Variants in MAGI3 observed in about 807,000 individuals in gnomAD.
MAGI3 encodes membrane associated guanylate kinase, WW and PDZ domain containing 3, also known as membrane-associated guanylate kinase, WW and PDZ domain-containing protein 3.
Under a neutral mutation model 121.8 loss-of-function variants are expected in MAGI3, and 43 were observed. The observed-to-expected ratio is 0.35, with a 90% confidence interval of 0.28 to 0.46. MAGI3 has a LOEUF of 0.46. Among genes scored for constraint, MAGI3 ranks in the 20% least tolerant of loss-of-function variants. MAGI3 has a pLI of 1.00. For synonymous variants in MAGI3, 553 were observed against 639.3 expected, an observed-to-expected ratio of 0.86 and a Z score of 2.04; for missense variants, 1,547 against 1,797.3, an observed-to-expected ratio of 0.86 and a Z score of 2.52.
intron 9 of MAGI3, among the ~76,000 whole-genome samples, chr1:113,636,012 G>A (rs368398231): frequency 4.6e-5 from 7 of 152,140 alleles, no homozygotes; most frequent in Non-Finnish European, 7.4e-5. Flanking sequence ...GTTTATTTGC[G>A]TAGAGGTGTT....
intron 1 of MAGI3, among the ~76,000 whole-genome samples, chr1:113,527,028 G>A (rs1658486315): frequency 6.6e-6 from 1 of 152,122 alleles, no homozygotes. Flanking sequence ...ATTATTGTGA[G>A]AACTAAAAGA....
intron 1 of MAGI3, among the ~76,000 whole-genome samples, chr1:113,504,529 G>T (rs1657213017): frequency 6.6e-6 from 1 of 152,078 alleles, no homozygotes; most frequent in African/African-American, 2.4e-5. Context: ...CATGCATAAG[G>T]TTGTCAAAGA....
chr1:113,591,586 G>A (rs1648694155), intron 5 of MAGI3, among the ~76,000 whole-genome samples: 1 of 152,142 alleles, frequency 6.6e-6, no homozygotes, highest in African/African-American at 2.4e-5. Context: ...ATCTTTGGAT[G>A]TGTAGCGTTC....
intron 1 of MAGI3, among the ~76,000 whole-genome samples, chr1:113,403,448 AT>A (rs1651510280): frequency 6.6e-6 from 1 of 152,132 alleles, no homozygotes; most frequent in Non-Finnish European, 1.5e-5. Flanking sequence ...TTAGAAAATG[AT>A]TAATTATGTT....
chr1:113,464,577 A>G (rs1185257552), intron 1 of MAGI3, among the ~76,000 whole-genome samples: 1 of 152,006 alleles, frequency 6.6e-6, no homozygotes, highest in East Asian at 1.9e-4. Context: ...CTTCTATACT[A>G]TTCTGTGTAG....
chr1:113,518,065 GC>G (rs1457695269), intron 1 of MAGI3, among the ~76,000 whole-genome samples: 1 of 151,928 alleles, frequency 6.6e-6, no homozygotes, highest in Non-Finnish European at 1.5e-5. Flanking sequence ...CCTGTTTTGA[GC>G]CCCTGAATCT....
At chr1:113,565,938 G>A (rs971086247) in intron 2 of MAGI3, among the ~76,000 whole-genome samples, 1 of 152,096 alleles carries the variant, frequency 6.6e-6, no homozygotes, top group African/African-American at 2.4e-5. Context: ...GCTTTCATTT[G>A]ATATCAGCTG....
In MAGI3 at chr1:113,590,674, T is replaced by C; in HGVS notation, c.938+16T>C. The C allele has an allele frequency of 6.2e-7, 1 of 1,609,600 alleles. No individual in the cohort carries two copies. Among genetic ancestry groups the C allele is most frequent in the South Asian group, 1.1e-5 (1 of 90,540 alleles). On this transcript the variant is annotated intron_variant, in intron 5 of 20. Transcript: ENST00000307546. ...ACTTCATTGAGTAAGCAAATGTCTC[T>C]ATCTCTTCTAATGTGCCCTAACATG...
chr1:113,477,257 G>T (rs1655877327), intron 1 of MAGI3, among the ~76,000 whole-genome samples: 1 of 152,196 alleles, frequency 6.6e-6, no homozygotes, highest in African/African-American at 2.4e-5. Flanking sequence ...GTGTGAATTT[G>T]ATCCTGTCAT....
intron 1 of MAGI3, among the ~76,000 whole-genome samples, chr1:113,437,806 T>TCTC (rs1557756798): frequency 1.7e-5 from 2 of 119,580 alleles, no homozygotes; most frequent in Non-Finnish European, 3.5e-5. Context: ...TCTTTCTTCT[T>TCTC]TTCTTCTTCT....
At chr1:113,676,012 C>T (rs1571037072) in intron 19 of MAGI3, among the ~76,000 whole-genome samples, 1 of 151,190 alleles carries the variant, frequency 6.6e-6, no homozygotes, top group South Asian at 2.1e-4. Context: ...GGTCCTTTCC[C>T]CTCCCCTCCC....
chr1:113,659,224 A>T lies in MAGI3; in HGVS notation c.2774A>T (p.Asp925Val). ...GATAACATTGTTCAGCTGATCAAAGATGCTGGTGTCACCGTCACACTAACG... is the reference window on the plus strand; with the variant it reads ...GATAACATTGTTCAGCTGATCAAAGTTGCTGGTGTCACCGTCACACTAACG... Reference protein sequence around the residue: ...SHDNIVQLIKDAGVTVTLTVI... With the variant: ...SHDNIVQLIKVAGVTVTLTVI... Residue 925 changes from aspartate (D) to valine (V), a missense_variant, in exon 16 of 21, where the codon GAT (aspartate) becomes GTT (valine). Coordinates refer to ENST00000307546, the MANE Select transcript of MAGI3 (RefSeq NM_001142782.2). The T allele has an allele frequency of 6.2e-7, 1 of 1,614,028 alleles. No individual in the cohort carries two copies. Among genetic ancestry groups the T allele is most frequent in the East Asian group, 2.2e-5 (1 of 44,884 alleles).
At chr1:113,586,328 A>G (rs1648363296) in intron 4 of MAGI3, among the ~76,000 whole-genome samples, 1 of 152,172 alleles carries the variant, frequency 6.6e-6, no homozygotes, top group Admixed American at 6.5e-5. Flanking sequence ...TATCCCTTCC[A>G]TCAAAAACAT....
intron 12 of MAGI3, 25 bp from the exon 13 acceptor site, chr1:113,649,212 A>G: frequency 1.3e-6 from 2 of 1,552,900 alleles, no homozygotes; most frequent in Non-Finnish European, 1.8e-6. Context: ...AAATCATAGT[A>G]TTTATATTTT....
chr1:113,557,143 G>A lies in MAGI3; in HGVS notation c.433+7512G>A, dbSNP rs575107933. On this transcript the variant is annotated intron_variant, in intron 2 of 20. Transcript: ENST00000307546. Reference sequence around the variant, plus strand: ...GTCCAAAAGTTTCAGACAAGGGAGCGTCCCCCCAGCAGCACAACATAGTGG... The same window carrying A: ...GTCCAAAAGTTTCAGACAAGGGAGCATCCCCCCAGCAGCACAACATAGTGG... Among the ~76,000 whole-genome samples, 36 of 151,244 alleles carry A rather than the reference G, an allele frequency of 2.4e-4. No homozygotes were observed. In the East Asian group the frequency reaches 2.9e-3, roughly 12 times the overall value.
In MAGI3 at chr1:113,683,296, T is replaced by TA. The variant is rs1194613351; in HGVS notation, c.3734dup (p.Asn1245LysfsTer2). ...CATTTGGATAAGATTCCTAGTCCTC[T>TA]AAAAAATAACCCCAAAAGAAGACCC... On this transcript the variant is annotated frameshift_variant, in exon 21 of 21. Transcript: ENST00000307546. LOFTEE classifies it low-confidence loss of function (END_TRUNC). 1 of 1,612,176 alleles carries TA rather than the reference T, an allele frequency of 6.2e-7. No homozygotes were observed.
At chr1:113,673,533 A>G (rs1647689952) in intron 19 of MAGI3, 68 bp downstream of exon 19, 1 of 1,514,796 alleles carries the variant, frequency 6.6e-7, no homozygotes, top group South Asian at 1.2e-5. Flanking sequence ...GATATTAATA[A>G]TTGATTTAAA....
rs1386378320 is a variant in MAGI3, at chr1:113,685,587, A to AAATT, written c.*1575_*1578dup. The AAATT allele has an allele frequency of 6.6e-6, 1 of 152,382 alleles. No homozygotes were observed. Among genetic ancestry groups the AAATT allele is most frequent in the African/African-American group, 2.4e-5 (1 of 41,466 alleles). 9.4% of individuals were successfully genotyped at this position (152,382 alleles called of 1,614,324 possible). On this transcript the variant is annotated 3_prime_UTR_variant, in exon 21 of 21. Transcript: ENST00000307546. ...CTATTGTAACTATTCAAATAGAGCA[A>AAATT]AATTAGGAGGCTTGATAAATACTAA...
At chr1:113,557,695 A>G (rs776279933) in intron 2 of MAGI3, among the ~76,000 whole-genome samples, 12 of 152,176 alleles carry the variant, frequency 7.9e-5, no homozygotes, top group Non-Finnish European at 1.8e-4. Context: ...GGGATCCCCA[A>G]CACAACACAA....
Sources: gnomAD v4.1 joint callset for allele counts (sites outside exome capture counted in the v4.1 genomes callset) on GRCh38, gnomAD v4.1.1 for gene constraint, MANE v1.5 for transcripts, NCBI Gene and HGNC (gene_info 2026-07-23, HGNC 2026-07-21) for gene names.